The following SV2A variants were observed in gnomAD, a reference collection of about 807,000 sequenced individuals.
The protein encoded by SV2A is synaptic vesicle glycoprotein 2A.
Under a neutral mutation model 78.0 loss-of-function variants are expected in SV2A, and 25 were observed. The ratio of observed to expected loss-of-function variants is 0.32; its 90% CI spans 0.23 to 0.45. SV2A has a LOEUF of 0.45. SV2A is among the 20% of genes least tolerant of loss of function. The probability of loss-of-function intolerance (pLI) is 1.00; values close to 1 mark genes in which losing one functional copy is unlikely to be tolerated. For synonymous variants in SV2A, 355 were observed against 384.7 expected, an observed-to-expected ratio of 0.92 and a Z score of 0.90; for missense variants, 752 against 971.5, an observed-to-expected ratio of 0.77 and a Z score of 3.00.
chr1:149,917,239 C>A (rs1326727661), intron 1 of SV2A, among the ~76,000 whole-genome samples: 1 of 151,864 alleles, frequency 6.6e-6, no homozygotes, highest in East Asian at 1.9e-4. Flanking sequence ...TATTTCCATT[C>A]TTCACTCCCC....
rs782045497 is a variant in SV2A, at chr1:149,903,875, G to C, written c.*1139C>G. On this transcript the variant is annotated 3_prime_UTR_variant, in exon 13 of 13. Transcript: ENST00000369146. ...GAGGCTTCTAGTCCCTGCATTAGGG[G>C]TCCCTCACTCACTGCCCAACCTCTC... The C allele has an allele frequency of 6.5e-6, 1 of 152,690 alleles. No homozygotes were observed. Among genetic ancestry groups the C allele is most frequent in the Non-Finnish European group, 1.5e-5 (1 of 68,128 alleles). 9.5% of individuals were successfully genotyped at this position (152,690 alleles called of 1,614,324 possible).
chr1:149,916,335 A>G (rs1280967166), intron 1 of SV2A, among the ~76,000 whole-genome samples: 2 of 152,352 alleles, frequency 1.3e-5, no homozygotes, highest in East Asian at 3.9e-4. Context: ...CCAGGAGGTC[A>G]GGAGAGAAAG....
Position 149,905,150 on chromosome 1 carries a change from A to C in SV2A, c.2093T>G (p.Val698Gly). The change falls in exon 13 of 13, where the codon GTG becomes GGG. Residue 698 changes from valine (V) to glycine (G), a missense_variant. Val to Gly is a moderately radical substitution (Grantham distance 109, BLOSUM62 -3). Transcript: ENST00000369146. ...GGATGTGAAGATGCTGATCCCCAGCACAGCTGCCAGCTTACACAGGGCATT... is the reference window on the plus strand; with the variant it reads ...GGATGTGAAGATGCTGATCCCCAGCCCAGCTGCCAGCTTACACAGGGCATT... ...FLNALCKLAA[V>G]LGISIFTSFV... 6.2e-7 allele frequency: 1 copy of C among 1,611,980 alleles called. No individual in the cohort carries two copies. The highest frequency in any genetic ancestry group is 8.5e-7 in the Non-Finnish European group (1 of 1,179,134).
chr1:149,913,177 C>T, intron 2 of SV2A, 42 bp downstream of exon 2: 10 of 1,590,968 alleles, frequency 6.3e-6, no homozygotes, highest in Non-Finnish European at 7.7e-6. Flanking sequence ...AAGGAGGTTT[C>T]CAGAGTTTGA....
rs1196324533 is a variant in SV2A at position 149,904,608 on chromosome 1, C to T, written c.*406G>A. 2 of 169,900 alleles carry T rather than the reference C, an allele frequency of 1.2e-5. No homozygotes were observed. Among genetic ancestry groups the T allele is most frequent in the South Asian group, 1.6e-4 (1 of 6,140 alleles). 10.5% of individuals were successfully genotyped at this position (169,900 alleles called of 1,614,324 possible). A position where few individuals can be genotyped will look rare whatever the true frequency, so the allele number is the denominator to read the frequency against. ...TTTGGTCCATGGTCTACACCAGAGC[C>T]CCAGCCCCTAGCATAATTGCATACC... On this transcript the variant is annotated 3_prime_UTR_variant, in exon 13 of 13. Coordinates refer to ENST00000369146, the MANE Select transcript of SV2A (RefSeq NM_014849.5).
intron 1 of SV2A, among the ~76,000 whole-genome samples, chr1:149,917,530 CGTGT>C (rs139622752): frequency 2.0e-5 from 3 of 150,818 alleles, no homozygotes; most frequent in Admixed American, 6.6e-5. Flanking sequence ...TATACATATG[CGTGT>C]GTGTGTGTGT....
At chr1:149,917,152 C>A (rs587768957) in intron 1 of SV2A, among the ~76,000 whole-genome samples, 2 of 151,982 alleles carry the variant, frequency 1.3e-5, no homozygotes, top group Admixed American at 6.6e-5. Context: ...CCCTTCCCCC[C>A]ACCCCGGAGC....
At position 149,910,702 on chromosome 1, in the gene SV2A, C is replaced by G; in HGVS notation, c.957G>C (p.Gly319=). 1.2e-6 allele frequency: 2 copies of G among 1,613,870 alleles called. No individual in the cohort carries two copies. ...AMAWAIIPHY[G]WSFQMGSAYQ... ...AGGCAGAACCCATCTGAAAACTCCA[C>G]CCTGGTAGGGAGAAAGTGACAGCAT... Residue 319 remains glycine, a splice_region_variant and synonymous_variant, in exon 5 of 13, where the codon GGG becomes GGC. Transcript: ENST00000369146. This position sits in a 1 kb window ranked among gnomAD's most constrained non-coding sequence, Gnocchi z 4.2.
rs1426290248 is a variant in SV2A, at chr1:149,910,421, TC to T, written c.1089+148del. ...CCAAGGCAAAGAATGCAAGATAAAG[TC>T]CCCTGGAGAGTGGACTCTGTGAGGA... On this transcript the variant is annotated intron_variant, in intron 5 of 12. Transcript: ENST00000369146. This position sits in a 1 kb window ranked among gnomAD's most constrained non-coding sequence, Gnocchi z 4.2. 2.5e-6 allele frequency: 3 copies of T among 1,179,998 alleles called. No homozygotes were observed. The highest frequency in any genetic ancestry group is 3.4e-6 in the Non-Finnish European group (3 of 871,966). The allele number at this position is 1,179,998 out of a possible 1,614,324, so 73.1% of individuals were successfully genotyped here. A position where few individuals can be genotyped will look rare whatever the true frequency, so the allele number is the denominator to read the frequency against.
chr1:149,909,818 G>A lies in SV2A; in HGVS notation c.1162C>T (p.Pro388Ser). Residue 388 changes from proline (P) to serine (S), a missense_variant, in exon 6 of 13, where the codon CCT becomes TCT. Around this residue, in one of 7 missense-constraint regions of SV2A, gnomAD observed 136 missense variants for 132.3 expected, o/e 1.03. Transcript: ENST00000369146. Reference protein sequence around the residue: ...HDTNMRAKGHPERVFSVTHIK... With the variant: ...HDTNMRAKGHSERVFSVTHIK... ...TGGCTTACTGAGAACACTCGCTCAG[G>A]ATGTCCTTTGGCTCGCATGTTGGTA... 6.2e-7 allele frequency: 1 copy of A among 1,613,940 alleles called. No individual in the cohort carries two copies. The highest frequency in any genetic ancestry group is 8.5e-7 in the Non-Finnish European group (1 of 1,180,008).
intron 1 of SV2A, among the ~76,000 whole-genome samples, chr1:149,915,316 T>C (rs1225002392): frequency 2.6e-5 from 4 of 152,124 alleles, no homozygotes; most frequent in African/African-American, 9.7e-5. Flanking sequence ...TTGCCCAGCA[T>C]CCTTGCAAAC....
In SV2A at chr1:149,909,463, G is replaced by A; in HGVS notation, c.1288C>T (p.Gln430Ter). Residue 430 changes from glutamine (Q) to a stop codon, truncating the protein, a stop_gained and splice_region_variant, in exon 7 of 13, where the codon CAG becomes TAG. Transcript: ENST00000369146. LOFTEE classifies it high-confidence loss of function. ...TCTACCACCCCGTCCACCATTACCT[G>A]CCCCCCTAGGCTCAAGGCCCGGACC... The part of the protein sequence containing the change: ...WGVRALSLGG[Q>*]VWGNFLSCFG... 1 of 1,609,280 alleles carries A rather than the reference G, an allele frequency of 6.2e-7. No homozygotes were observed. The highest frequency in any genetic ancestry group is 8.5e-7 in the Non-Finnish European group (1 of 1,177,514).
At chr1:149,909,729 A>G in intron 6 of SV2A, 72 bp downstream of exon 6, 2 of 1,520,302 alleles carry the variant, frequency 1.3e-6, no homozygotes, top group Admixed American at 1.7e-5. Flanking sequence ...GGTGGGGGGT[A>G]CTCAGAGAGG....
At chr1:149,906,437 GC>G (rs1553762767) in intron 11 of SV2A, among the ~76,000 whole-genome samples, 2 of 152,100 alleles carry the variant, frequency 1.3e-5, no homozygotes, top group Non-Finnish European at 2.9e-5. Context: ...CAAAGCCTGT[GC>G]CCTAACCACT....
rs782320293 is a variant in SV2A at position 149,911,868 on chromosome 1, G to A, written c.735C>T (p.Phe245=). ...LLISLSVNSV[F]AFFSSFVQGY... ...CCTGGACAAAAGATGAGAAGAAGGC[G>A]AAGACGCTGTTGACTGAGAGCGAGA... is the stretch of plus-strand genomic sequence containing the variant. Residue 245 remains phenylalanine (F), a synonymous_variant, in exon 3 of 13, where the codon TTC becomes TTT. Transcript: ENST00000369146. 5.0e-6 allele frequency: 8 copies of A among 1,614,030 alleles called. No individual in the cohort carries two copies. The highest frequency in any genetic ancestry group is 2.2e-5 in the East Asian group (1 of 44,886).
rs1425828986 is a variant in SV2A, at chr1:149,908,087, G to A, written c.1499C>T (p.Thr500Met). 3 of 1,614,120 alleles carry A rather than the reference G, an allele frequency of 1.9e-6. No homozygotes were observed. The highest frequency in any genetic ancestry group is 1.7e-5 in the Admixed American group (1 of 60,016). The change falls in exon 9 of 13, where the codon ACG becomes ATG. Residue 500 changes from threonine to methionine, a missense_variant. Physicochemically the swap from Thr to Met is moderately conservative, Grantham distance 81. This residue lies in a region of SV2A where 81 missense variants were observed against 74.2 expected (regional missense o/e 1.09). Transcript: ENST00000369146. ...GCCTCGGTGGATCTGATTCTCCAAC[G>A]TGAAGTTAAAAGTTACATGCTCTAC... ...ERVEHVTFNF[T>M]LENQIHRGGQ... is the part of the protein sequence containing the mutation.
Position 149,911,802 on chromosome 1 carries a change from A to G in SV2A, c.801T>C (p.Val267=). ...GGACTTAGGAAGTGTACACTCACCCAACCCCAGAAAGTAGGCGGCAGAAGA... is the reference window on the plus strand; with the variant it reads ...GGACTTAGGAAGTGTACACTCACCCGACCCCAGAAAGTAGGCGGCAGAAGA... ...TFLFCRLLSG[V]GIGGSIPIVF... is the part of the protein sequence containing the mutation. The change falls in exon 3 of 13, where the codon GTT becomes GTC. Residue 267 remains valine (V), a splice_region_variant and synonymous_variant. Transcript: ENST00000369146. 4 of 1,613,934 alleles carry G rather than the reference A, an allele frequency of 2.5e-6. No individual in the cohort carries two copies. Among genetic ancestry groups the G allele is most frequent in the Middle Eastern group, 1.6e-4 (1 of 6,062 alleles).
At position 149,903,610 on chromosome 1, in the gene SV2A, C is replaced by A. The variant is rs2092414046; in HGVS notation, c.*1404G>T. 1 of 152,246 alleles carries A rather than the reference C, an allele frequency of 6.6e-6. No individual in the cohort carries two copies. The allele number at this position is 152,246 out of a possible 1,614,324, so 9.4% of individuals were successfully genotyped here. A position where few individuals can be genotyped will look rare whatever the true frequency, so the allele number is the denominator to read the frequency against. On this transcript the variant is annotated 3_prime_UTR_variant, in exon 13 of 13. Coordinates refer to ENST00000369146, the MANE Select transcript of SV2A (RefSeq NM_014849.5). ...TGTTACAAAATGGGGAGAGTGACCA[C>A]AGGGTTGGGGCACTGGACGCAGCAT...
intron 8 of SV2A, among the ~76,000 whole-genome samples, chr1:149,908,574 A>G (rs587640923): frequency 2.6e-5 from 4 of 152,082 alleles, no homozygotes; most frequent in Admixed American, 6.5e-5. Context: ...CCAAGCCCCA[A>G]GTGCTCCCAC....
Sources: gnomAD v4.1 joint callset for allele counts (sites outside exome capture counted in the v4.1 genomes callset) on GRCh38, gnomAD v4.1.1 for gene constraint, gnomAD v4.1.1 regional missense constraint, Gnocchi (gnomAD v3.1) non-coding constraint, MANE v1.5 for transcripts, NCBI Gene and HGNC (gene_info 2026-07-23, HGNC 2026-07-21) for gene names.